WNT10B: variants seen among roughly 807,000 people sequenced by gnomAD.
WNT10B encodes the protein protein Wnt-10b.
A neutral mutation model predicts 32.7 loss-of-function variants in WNT10B; 26 were observed. The ratio of observed to expected loss-of-function variants is 0.79; its 90% confidence interval spans 0.58 to 1.10. The LOEUF is 1.10. Ranked by LOEUF, WNT10B falls within the 50% of genes least tolerant of loss-of-function variation. WNT10B has a pLI of 0.00. For missense variants in WNT10B, 474 were observed against 532.5 expected (o/e 0.89, Z 1.08); for synonymous variants, 204 against 220.4 (o/e 0.93, Z 0.66).
At chr12:48,969,739 A>G (rs1940810612) in intron 3 of WNT10B, among the ~76,000 whole-genome samples, 1 of 149,476 alleles carries the variant, frequency 6.7e-6, no homozygotes. Flanking sequence ...AGATGGGGGG[A>G]GAGAAAATGG....
intron 4 of WNT10B, 145 bp from the exon 5 acceptor site, chr12:48,966,698 T>C (rs1940741664): frequency 1.1e-6 from 1 of 933,984 alleles, no homozygotes; most frequent in South Asian, 1.4e-5. Context: ...GAAAGGACAT[T>C]GCAGTTAGCT....
In WNT10B at chr12:48,966,673, T is replaced by C. The variant is rs1013930272; in HGVS notation, c.712-120A>G. 3.5e-6 allele frequency: 4 copies of C among 1,136,966 alleles called. No homozygotes were observed. The African/African-American group carries it at 6.1e-5, about 17-fold the overall frequency. The allele number at this position is 1,136,966 out of a possible 1,614,324, so 70.4% of individuals were successfully genotyped here. A position where few individuals can be genotyped will look rare whatever the true frequency, so the allele number is the denominator to read the frequency against. The stretch of plus-strand genomic sequence containing the variant: ...GGGACAAATGGAGGCAAGAATAACA[T>C]GGTATATCAGAACAGAAAGGACATT... On this transcript the variant is annotated intron_variant, in intron 4 of 4. Transcript: ENST00000301061.
chr12:48,970,072 C>A lies in WNT10B; in HGVS notation c.337+17G>T, dbSNP rs1940819643. The A allele has an allele frequency of 6.7e-7, 1 of 1,499,642 alleles. No homozygotes were observed. Among genetic ancestry groups the A allele is most frequent in the Admixed American group, 2.1e-5 (1 of 48,272 alleles). 92.9% of individuals were successfully genotyped at this position (1,499,642 alleles called of 1,614,324 possible). ...CCTAGCCTCCGCGGCAGCGCCGACC[C>A]GCCCAGCCAGGCTCACCGCGCTTGA... On this transcript the variant is annotated intron_variant, in intron 3 of 4. Coordinates refer to ENST00000301061, the MANE Select transcript of WNT10B (RefSeq NM_003394.4). This position sits in a 1 kb window ranked among gnomAD's most constrained non-coding sequence, Gnocchi z 5.0.
intron 3 of WNT10B, chr12:48,969,008 TTCCCTA>T: frequency 4.3e-6 from 2 of 460,002 alleles, no homozygotes. Context: ...GGGAGTGATT[TTCCCTA>T]AGGCCCTCTT....
chr12:48,968,792 T>TTG (rs1555178212), intron 3 of WNT10B, among the ~76,000 whole-genome samples: 1 of 151,622 alleles, frequency 6.6e-6, no homozygotes, highest in African/African-American at 2.4e-5. Context: ...TTTTTTGTTT[T>TTG]TTTTTTTTTA....
At chr12:48,967,800 T>A in intron 4 of WNT10B, 146 bp downstream of exon 4, 2 of 1,124,664 alleles carry the variant, frequency 1.8e-6, no homozygotes, top group South Asian at 3.2e-5. Flanking sequence ...TTAGGTTCTT[T>A]ACAGATACAA....
In WNT10B at chr12:48,970,796, A is replaced by G; in HGVS notation, c.-40-227T>C. On this transcript the variant is annotated intron_variant, in intron 1 of 4. Coordinates refer to ENST00000301061, the MANE Select transcript of WNT10B (RefSeq NM_003394.4). The surrounding 1 kb of genome is among the most constrained non-coding windows in gnomAD (Gnocchi z 5.0). Reference sequence around the variant, plus strand: ...GTTGTCCCAGCTCAGGACTCAAGCGAGCACCCCTGGAACCTTGCCCAATCA... The same window carrying G: ...GTTGTCCCAGCTCAGGACTCAAGCGGGCACCCCTGGAACCTTGCCCAATCA... The G allele has an allele frequency of 1.7e-6, 1 of 578,856 alleles. No homozygotes were observed. Among genetic ancestry groups the G allele is most frequent in the Non-Finnish European group, 3.1e-6 (1 of 324,678 alleles). 35.9% of individuals were successfully genotyped at this position (578,856 alleles called of 1,614,324 possible). A position where few individuals can be genotyped will look rare whatever the true frequency, so the allele number is the denominator to read the frequency against.
rs1940737583 is a variant in WNT10B at position 48,966,512 on chromosome 12, G to A, written c.753C>T (p.Gly251=). ...ENLKRKCKCH[G]TSGSCQFKTC... is the part of the protein sequence containing the mutation. ...TCTTGAACTGGCAGCTGCCTGATGT[G>A]CCATGACACTTGCATTTCCGCTTCA... The change falls in exon 5 of 5, where the codon GGC becomes GGT. Residue 251 remains glycine (G), a synonymous_variant. Transcript: ENST00000301061. The A allele has an allele frequency of 6.2e-7, 1 of 1,613,950 alleles. No individual in the cohort carries two copies.
intron 3 of WNT10B, 41 bp from the exon 4 acceptor site, chr12:48,968,360 A>G (rs756597407): frequency 6.3e-7 from 1 of 1,599,686 alleles, no homozygotes; most frequent in Admixed American, 1.7e-5. Context: ...TAAGGTTGAC[A>G]GGCAGCTGAG....
intron 3 of WNT10B, 89 bp from the exon 4 acceptor site, chr12:48,968,408 A>G (rs1369671359): frequency 2.4e-5 from 37 of 1,563,634 alleles, no homozygotes; most frequent in Non-Finnish European, 3.1e-5. Context: ...CCCCCCTCCA[A>G]CTCCAGAAAT....
intron 3 of WNT10B, among the ~76,000 whole-genome samples, chr12:48,969,375 C>T (rs909060711): frequency 2.6e-5 from 4 of 151,630 alleles, no homozygotes; most frequent in Non-Finnish European, 5.9e-5. Flanking sequence ...CCCATAGTCC[C>T]CAGAGCACTG....
Position 48,966,434 on chromosome 12 carries a change from C to T in WNT10B, c.831G>A (p.Glu277=), listed in dbSNP as rs139928569. 1.2e-6 allele frequency: 2 copies of T among 1,613,962 alleles called. No individual in the cohort carries two copies. Among genetic ancestry groups the T allele is most frequent in the African/African-American group, 2.7e-5 (2 of 74,930 alleles). The change falls in exon 5 of 5, where the codon GAG becomes GAA. Residue 277 remains glutamate (E), a synonymous_variant. Transcript: ENST00000301061. Reference sequence around the variant, plus strand: ...CAATGAAGATGGCCCGGCCCAGCCGCTCCCTCAACGCCGCCCCCACTGCCC... The same window carrying T: ...CAATGAAGATGGCCCGGCCCAGCCGTTCCCTCAACGCCGCCCCCACTGCCC... The part of the protein sequence containing the change: ...EFRAVGAALR[E]RLGRAIFIDT...
intron 3 of WNT10B, chr12:48,969,130 C>A (rs1345542314): frequency 2.1e-6 from 1 of 470,928 alleles, no homozygotes; most frequent in African/African-American, 2.0e-5. Flanking sequence ...TCCAAGCCTT[C>A]CCCTACACCA....
At chr12:48,966,683 G>A in intron 4 of WNT10B, 130 bp from the exon 5 acceptor site, 1 of 1,046,346 alleles carries the variant, frequency 9.6e-7, no homozygotes, top group Non-Finnish European at 1.4e-6. Context: ...TGGTATATCA[G>A]AACAGAAAGG....
chr12:48,966,921 C>A (rs1048692848), intron 4 of WNT10B, among the ~76,000 whole-genome samples: 1 of 152,210 alleles, frequency 6.6e-6, no homozygotes, highest in Non-Finnish European at 1.5e-5. Context: ...GTAATAAGAG[C>A]TACTATGCAG....
intron 4 of WNT10B, 62 bp downstream of exon 4, chr12:48,967,884 C>G: frequency 6.3e-7 from 1 of 1,597,916 alleles, no homozygotes; most frequent in Admixed American, 1.8e-5. Context: ...TTCCCTATGC[C>G]TCTCAAACTC....
intron 4 of WNT10B, 150 bp from the exon 5 acceptor site, chr12:48,966,703 T>C (rs181546608): frequency 5.5e-6 from 5 of 904,846 alleles, no homozygotes; most frequent in South Asian, 1.4e-5. Context: ...GACATTGCAG[T>C]TAGCTAATAG....
In WNT10B at chr12:48,965,959, C is replaced by A; in HGVS notation, c.*136G>T. Reference sequence around the variant, plus strand: ...CCAGAGTCCACCTGACCCCCACCACCCCTAAAGCTGTTTCCAGGTAGATAC... The same window carrying A: ...CCAGAGTCCACCTGACCCCCACCACACCTAAAGCTGTTTCCAGGTAGATAC... On this transcript the variant is annotated 3_prime_UTR_variant, in exon 5 of 5. Transcript: ENST00000301061. The A allele has an allele frequency of 9.2e-7, 1 of 1,084,382 alleles. No homozygotes were observed. The allele number at this position is 1,084,382 out of a possible 1,614,324, so 67.2% of individuals were successfully genotyped here. A position where few individuals can be genotyped will look rare whatever the true frequency, so the allele number is the denominator to read the frequency against.
At chr12:48,967,071 A>G (rs1592250304) in intron 4 of WNT10B, among the ~76,000 whole-genome samples, 1 of 151,798 alleles carries the variant, frequency 6.6e-6, no homozygotes, top group African/African-American at 2.4e-5. Context: ...GCTCACTGCA[A>G]CCTCCGCCTC....
Sources: gnomAD v4.1 joint callset for allele counts (sites outside exome capture counted in the v4.1 genomes callset) on GRCh38, gnomAD v4.1.1 for gene constraint, Gnocchi (gnomAD v3.1) non-coding constraint, MANE v1.5 for transcripts, NCBI Gene and HGNC (gene_info 2026-07-23, HGNC 2026-07-21) for gene names.